BCL2: variants seen among roughly 807,000 people sequenced by gnomAD.
BCL2 encodes the protein BCL2 apoptosis regulator, also known as apoptosis regulator Bcl-2.
Under a neutral mutation model 14.2 loss-of-function variants are expected in BCL2, and 1 was observed. The observed-to-expected ratio is 0.07, with a 90% CI of 0.02 to 0.33. BCL2 has a LOEUF of 0.33. Among genes scored for constraint, BCL2 ranks in the 10% least tolerant of loss-of-function variants. The pLI is 0.99. For synonymous variants in BCL2, 151 were observed against 137.2 expected (o/e 1.10, Z -0.70); for missense variants, 247 against 305.9 (o/e 0.81, Z 1.44).
chr18:63,214,694 T>TA (rs1416396310), intron 2 of BCL2, among the ~76,000 whole-genome samples: 13 of 152,012 alleles, frequency 8.6e-5, no homozygotes, highest in South Asian at 4.2e-4. Flanking sequence ...TTTCTTTTCT[T>TA]TTTTATTTAT....
chr18:63,243,278 T>G (rs1911062072), intron 2 of BCL2, among the ~76,000 whole-genome samples: 1 of 152,186 alleles, frequency 6.6e-6, no homozygotes, highest in South Asian at 2.1e-4. Context: ...AACCAAATAC[T>G]GCATGTTCTT....
chr18:63,168,191 T>A (rs187499971), intron 2 of BCL2, among the ~76,000 whole-genome samples: 63 of 152,268 alleles, frequency 4.1e-4, no homozygotes, highest in African/African-American at 1.4e-3. Flanking sequence ...CCATTGCCAA[T>A]GTACCAAGGA....
intron 2 of BCL2, among the ~76,000 whole-genome samples, chr18:63,202,047 G>T (rs2144664987): frequency 6.6e-6 from 1 of 152,304 alleles, no homozygotes; most frequent in African/African-American, 2.4e-5. Context: ...AGTGTCTCAT[G>T]CCTGTAATCC....
Position 63,127,121 on chromosome 18 carries a change from A to T in BCL2, c.*1504T>A. ...TTTTGTCAGGTTTTCAAATAAAACC[A>T]AACTACAGTGACAAGATAATGTTTT... is the stretch of plus-strand genomic sequence containing the variant. On this transcript the variant is annotated 3_prime_UTR_variant, in exon 3 of 3. Coordinates refer to ENST00000333681, the MANE Select transcript of BCL2 (RefSeq NM_000633.3). 1 of 229,450 alleles carries T rather than the reference A, an allele frequency of 4.4e-6. No individual in the cohort carries two copies. The highest frequency in any genetic ancestry group is 1.8e-4 in the South Asian group (1 of 5,492). 14.2% of individuals were successfully genotyped at this position (229,450 alleles called of 1,614,324 possible).
chr18:63,237,142 T>C (rs1229276008), intron 2 of BCL2, among the ~76,000 whole-genome samples: 1 of 152,060 alleles, frequency 6.6e-6, no homozygotes, highest in African/African-American at 2.4e-5. Flanking sequence ...CCCACCTCTA[T>C]ACCACGACCC....
chr18:63,200,926 T>C (rs753153743), intron 2 of BCL2, among the ~76,000 whole-genome samples: 1 of 152,146 alleles, frequency 6.6e-6, no homozygotes, highest in African/African-American at 2.4e-5. Flanking sequence ...CTGGGCCAAA[T>C]TGAGCTTTGA....
At chr18:63,244,132 C>A (rs1568244865) in intron 2 of BCL2, among the ~76,000 whole-genome samples, 1 of 152,178 alleles carries the variant, frequency 6.6e-6, no homozygotes, top group Non-Finnish European at 1.5e-5. Context: ...GTAATCCCAG[C>A]ATTTTGCGAG....
At chr18:63,301,622 G>A (rs1435488343) in intron 2 of BCL2, among the ~76,000 whole-genome samples, 2 of 152,160 alleles carry the variant, frequency 1.3e-5, no homozygotes, top group African/African-American at 2.4e-5. Context: ...ATCTCCGAAG[G>A]CGCTAATGTA....
chr18:63,302,801 G>A, intron 2 of BCL2: 1 of 985,054 alleles, frequency 1.0e-6, no homozygotes. Context: ...GTAGTTTCCT[G>A]GCCCATGCTG....
At chr18:63,311,649 C>T (rs1913323342) in intron 2 of BCL2, among the ~76,000 whole-genome samples, 1 of 152,084 alleles carries the variant, frequency 6.6e-6, no homozygotes. Context: ...CGCTTCTATC[C>T]CTGAAGTTGT....
intron 2 of BCL2, among the ~76,000 whole-genome samples, chr18:63,307,073 T>C (rs1228296705): frequency 6.6e-6 from 1 of 152,164 alleles, no homozygotes; most frequent in African/African-American, 2.4e-5. Flanking sequence ...TTGTTCTGTC[T>C]GCTTTAATCA....
intron 2 of BCL2, among the ~76,000 whole-genome samples, chr18:63,171,024 C>T (rs555713793): frequency 3.3e-5 from 5 of 152,174 alleles, no homozygotes; most frequent in Non-Finnish European, 7.4e-5. Flanking sequence ...TGAAATAATG[C>T]TAGTAAAATA....
At chr18:63,180,790 C>G (rs1291186904) in intron 2 of BCL2, among the ~76,000 whole-genome samples, 2 of 152,222 alleles carry the variant, frequency 1.3e-5, no homozygotes, top group African/African-American at 4.8e-5. Flanking sequence ...GCTCCCGGGC[C>G]TCTCAGGGCT....
intron 2 of BCL2, among the ~76,000 whole-genome samples, chr18:63,171,985 A>G (rs1279808907): frequency 1.3e-5 from 2 of 152,222 alleles, no homozygotes; most frequent in Non-Finnish European, 2.9e-5. Flanking sequence ...CATCTCTAAT[A>G]AATAGATACA....
At chr18:63,244,875 C>G (rs753839643) in intron 2 of BCL2, among the ~76,000 whole-genome samples, 3 of 152,188 alleles carry the variant, frequency 2.0e-5, no homozygotes, top group Non-Finnish European at 2.9e-5. Flanking sequence ...GATGTCAGAT[C>G]CACCAGACAG....
chr18:63,287,975 G>C (rs1912522814), intron 2 of BCL2, among the ~76,000 whole-genome samples: 1 of 152,190 alleles, frequency 6.6e-6, no homozygotes, highest in Admixed American at 6.5e-5. Flanking sequence ...TGTCTGGGTG[G>C]ACAGTGATAT....
At chr18:63,230,936 T>C (rs1568241032) in intron 2 of BCL2, among the ~76,000 whole-genome samples, 3 of 152,022 alleles carry the variant, frequency 2.0e-5, no homozygotes, top group South Asian at 2.1e-4. Context: ...TCCAGCAGTA[T>C]AGTGTGTGCA....
chr18:63,165,047 T>C (rs995183281), intron 2 of BCL2, among the ~76,000 whole-genome samples: 1 of 152,166 alleles, frequency 6.6e-6, no homozygotes, highest in Non-Finnish European at 1.5e-5. Flanking sequence ...ATTGTGCACA[T>C]GTACCCTAAA....
intron 2 of BCL2, among the ~76,000 whole-genome samples, chr18:63,213,512 T>C (rs1206450886): frequency 7.1e-6 from 1 of 140,450 alleles, no homozygotes; most frequent in African/African-American, 2.7e-5. Flanking sequence ...TTCAGATGAG[T>C]TGTACACATT....
Sources: allele counts gnomAD v4.1 joint callset (sites outside exome capture counted in the v4.1 genomes callset), GRCh38; gene constraint gnomAD v4.1.1; transcripts MANE v1.5; gene names NCBI Gene and HGNC (gene_info 2026-07-23, HGNC 2026-07-21).